The following FRK variants were observed in gnomAD, a reference collection of about 807,000 sequenced individuals.
FRK encodes tyrosine-protein kinase FRK.
Under a neutral mutation model 56.4 loss-of-function variants are expected in FRK, and 51 were observed. The observed-to-expected ratio is 0.90, with a 90% CI of 0.72 to 1.14. The LOEUF (loss-of-function observed/expected upper bound fraction) is 1.14, where lower values mean the gene tolerates loss of function less well. Ranked by LOEUF, FRK falls within the 50% of genes most tolerant of loss-of-function variation. The pLI, the probability that FRK is intolerant of heterozygous loss-of-function variation, is 0.00. For synonymous variants in FRK, 245 were observed against 217.9 expected (o/e 1.12, Z -1.10); for missense variants, 570 against 601.4 (o/e 0.95, Z 0.55).
intron 1 of FRK, among the ~76,000 whole-genome samples, chr6:116,035,013 C>T (rs1451301392): frequency 6.6e-6 from 1 of 151,916 alleles, no homozygotes; most frequent in Non-Finnish European, 1.5e-5. Context: ...GTAATGGTAC[C>T]TAGTGGTACT....
intron 1 of FRK, among the ~76,000 whole-genome samples, chr6:116,015,974 G>A (rs926697561): frequency 3.3e-5 from 5 of 152,170 alleles, no homozygotes; most frequent in East Asian, 1.9e-4. Context: ...AAAATTTGCA[G>A]CCTGATCATG....
the FRK span, among the ~76,000 whole-genome samples, chr6:116,087,963 A>G: frequency 2.6e-5 from 4 of 152,218 alleles, no homozygotes; most frequent in Non-Finnish European, 4.4e-5. Context: ...GAGCCCAAGT[A>G]CAAGCACGGC....
At chr6:116,006,348 C>G (rs1464810057) in intron 1 of FRK, among the ~76,000 whole-genome samples, 2 of 152,284 alleles carry the variant, frequency 1.3e-5, no homozygotes, top group East Asian at 1.9e-4. Context: ...CTATTTTATA[C>G]TTTCACATTA....
intron 1 of FRK, among the ~76,000 whole-genome samples, chr6:116,032,161 A>T (rs758275473): frequency 6.6e-6 from 1 of 152,042 alleles, no homozygotes; most frequent in Non-Finnish European, 1.5e-5. Context: ...AAGACAATAA[A>T]TTTTTTCTGA....
the FRK span, among the ~76,000 whole-genome samples, chr6:116,071,233 C>T: frequency 1.3e-5 from 2 of 152,122 alleles, no homozygotes; most frequent in South Asian, 2.1e-4. Context: ...TGCCTATGTA[C>T]ATAATGATAT....
Position 115,966,317 on chromosome 6 carries a change from T to G in FRK, c.799+1234A>C, listed in dbSNP as rs561497917. The stretch of plus-strand genomic sequence containing the variant: ...TTTGTGTGGATTTTGCATTTGACCA[T>G]AGCAACTATCAAAAACCCAGCTTCA... On this transcript the variant is annotated intron_variant, in intron 4 of 7. Transcript: ENST00000606080. Among the ~76,000 whole-genome samples the G allele has an allele frequency of 9.2e-5, 14 of 152,272 alleles. 1 individual carries two copies. The East Asian group carries it at 2.7e-3, about 29-fold the overall frequency.
chr6:115,957,247 C>A (rs935593353), intron 4 of FRK, among the ~76,000 whole-genome samples: 1 of 152,074 alleles, frequency 6.6e-6, no homozygotes, highest in Non-Finnish European at 1.5e-5. Flanking sequence ...ATAGCATGGC[C>A]AAATGGAGGA....
chr6:115,995,980 T>C (rs1352189851), intron 2 of FRK, among the ~76,000 whole-genome samples: 1 of 152,192 alleles, frequency 6.6e-6, no homozygotes, highest in East Asian at 1.9e-4. Flanking sequence ...GGCACCAACA[T>C]GTTTAAAATT....
At chr6:115,958,840 G>GAA (rs1192758692) in intron 4 of FRK, among the ~76,000 whole-genome samples, 7 of 149,346 alleles carry the variant, frequency 4.7e-5, no homozygotes, top group South Asian at 2.2e-4. Flanking sequence ...AAGAAAGAAA[G>GAA]AGAAAGGAAA....
At position 115,971,445 on chromosome 6, in the gene FRK, C is replaced by T. The variant is rs1268171481; in HGVS notation, c.467-2706G>A. Among the ~76,000 whole-genome samples the T allele has an allele frequency of 2.0e-5, 3 of 152,244 alleles. No homozygotes were observed. In the East Asian group the frequency reaches 5.8e-4, roughly 29 times the overall value. ...AACAAAAATCAAGACTTTAGGTGTACAACACTGAATTTGAAGGTAACCTTT... is the reference window on the plus strand; with the variant it reads ...AACAAAAATCAAGACTTTAGGTGTATAACACTGAATTTGAAGGTAACCTTT... On this transcript the variant is annotated intron_variant, in intron 2 of 7. Transcript: ENST00000606080.
chr6:115,942,928 AC>A, intron 7 of FRK, 91 bp downstream of exon 7: 2 of 1,261,580 alleles, frequency 1.6e-6, no homozygotes, highest in Non-Finnish European at 2.2e-6. Context: ...CAGCCTCATA[AC>A]TCTGCCCTCT....
chr6:115,990,009 G>T (rs1006595240), intron 2 of FRK, among the ~76,000 whole-genome samples: 6 of 151,790 alleles, frequency 4.0e-5, no homozygotes, highest in African/African-American at 1.5e-4. Context: ...ATCTCATTAT[G>T]GTTTTAATTT....
At chr6:116,021,306 A>C (rs1405192605) in intron 1 of FRK, among the ~76,000 whole-genome samples, 1 of 152,136 alleles carries the variant, frequency 6.6e-6, no homozygotes, top group Non-Finnish European at 1.5e-5. Flanking sequence ...CACGCCATAC[A>C]TCATTTTGAT....
upstream of FRK, among the ~76,000 whole-genome samples, chr6:116,065,532 C>G (rs1209497243): frequency 6.6e-6 from 1 of 152,188 alleles, no homozygotes; most frequent in East Asian, 1.9e-4. Context: ...AACTTCTCTC[C>G]CTTTTCCTAC....
At chr6:116,012,146 G>A (rs539141978) in intron 1 of FRK, among the ~76,000 whole-genome samples, 4 of 152,180 alleles carry the variant, frequency 2.6e-5, no homozygotes, top group African/African-American at 9.6e-5. Flanking sequence ...CATAAAAGGA[G>A]GCAGGCACTG....
At chr6:115,952,213 T>C (rs1772788131) in intron 5 of FRK, among the ~76,000 whole-genome samples, 1 of 152,228 alleles carries the variant, frequency 6.6e-6, no homozygotes, top group Admixed American at 6.5e-5. Flanking sequence ...CAATTTTGTC[T>C]TTTGTTGCCA....
intron 4 of FRK, among the ~76,000 whole-genome samples, chr6:115,967,201 A>G (rs1012876749): frequency 3.3e-5 from 5 of 152,176 alleles, no homozygotes; most frequent in Admixed American, 2.0e-4. Flanking sequence ...TAGTATCAAG[A>G]TTCCTTCTGA....
At chr6:116,010,436 T>A (rs949087545) in intron 1 of FRK, among the ~76,000 whole-genome samples, 1 of 152,158 alleles carries the variant, frequency 6.6e-6, no homozygotes, top group Non-Finnish European at 1.5e-5. Flanking sequence ...AAAATTTACA[T>A]GTTGTAAAGG....
chr6:116,045,885 T>C (rs1246201264), intron 1 of FRK, among the ~76,000 whole-genome samples: 2 of 152,098 alleles, frequency 1.3e-5, no homozygotes, highest in African/African-American at 4.8e-5. Flanking sequence ...ATGTTTGCAA[T>C]CTATCCATCT....
Sources: allele counts gnomAD v4.1 joint callset (sites outside exome capture counted in the v4.1 genomes callset), GRCh38; gene constraint gnomAD v4.1.1; transcripts MANE v1.5; gene names NCBI Gene and HGNC (gene_info 2026-07-23, HGNC 2026-07-21).